SLC9A9: variants seen among roughly 807,000 people sequenced by gnomAD.
SLC9A9 encodes sodium/hydrogen exchanger 9.
In SLC9A9, 62 loss-of-function variants were observed where a neutral mutation model predicts 77.8. The observed-to-expected ratio is 0.80, with a 90% CI of 0.65 to 0.98. The LOEUF (loss-of-function observed/expected upper bound fraction) is 0.98. SLC9A9 is among the 50% of genes least tolerant of loss of function. SLC9A9 has a pLI of 0.00. For missense variants in SLC9A9, 775 were observed against 774.9 expected, an observed-to-expected ratio of 1.00 and a Z score of 0.00; for synonymous variants, 320 against 283.5, an observed-to-expected ratio of 1.13 and a Z score of -1.29.
intron 4 of SLC9A9, among the ~76,000 whole-genome samples, chr3:143,717,463 A>T (rs1263265561): frequency 2.0e-5 from 3 of 152,220 alleles, no homozygotes; most frequent in Non-Finnish European, 2.9e-5. Context: ...CAATAAACAG[A>T]TTACACATAA....
intron 1 of SLC9A9, among the ~76,000 whole-genome samples, chr3:143,847,206 A>G (rs1441524545): frequency 6.6e-6 from 1 of 152,198 alleles, no homozygotes; most frequent in African/African-American, 2.4e-5. Context: ...CCCCAAATAT[A>G]AAAGTATGTT....
intron 12 of SLC9A9, among the ~76,000 whole-genome samples, chr3:143,436,182 C>T (rs146290322): frequency 6.6e-6 from 1 of 152,230 alleles, no homozygotes; most frequent in Non-Finnish European, 1.5e-5. Context: ...GAGAAGTGGG[C>T]TTGAACCTCC....
chr3:143,736,535 C>T (rs572296776), intron 4 of SLC9A9, among the ~76,000 whole-genome samples: 12 of 152,264 alleles, frequency 7.9e-5, no homozygotes, highest in African/African-American at 2.9e-4. Context: ...GTACAGAGCA[C>T]ACACTCAATA....
intron 12 of SLC9A9, among the ~76,000 whole-genome samples, chr3:143,391,656 C>G (rs950680654): frequency 1.3e-5 from 2 of 152,150 alleles, no homozygotes; most frequent in Non-Finnish European, 2.9e-5. Context: ...CTTCTCCGAG[C>G]TAAAGGAGGA....
chr3:143,583,823 A>G (rs1215591177), intron 6 of SLC9A9, among the ~76,000 whole-genome samples: 2 of 152,204 alleles, frequency 1.3e-5, no homozygotes, highest in African/African-American at 4.8e-5. Flanking sequence ...CAAAACTTCT[A>G]TCCAAACAGA....
chr3:143,340,908 T>C (rs1203694512), intron 14 of SLC9A9, among the ~76,000 whole-genome samples: 1 of 152,234 alleles, frequency 6.6e-6, no homozygotes, highest in African/African-American at 2.4e-5. Flanking sequence ...TAGTCATTAG[T>C]GCAGAAGGCT....
intron 5 of SLC9A9, among the ~76,000 whole-genome samples, chr3:143,660,133 C>G (rs1161810181): frequency 6.6e-6 from 1 of 152,194 alleles, no homozygotes; most frequent in Admixed American, 6.5e-5. Flanking sequence ...AGCGTGAGAA[C>G]AGACTAATAC....
At chr3:143,748,090 C>T (rs1236853545) in intron 4 of SLC9A9, among the ~76,000 whole-genome samples, 1 of 152,216 alleles carries the variant, frequency 6.6e-6, no homozygotes, top group African/African-American at 2.4e-5. Context: ...TTAGTTGACA[C>T]TGAACTTAGT....
intron 12 of SLC9A9, among the ~76,000 whole-genome samples, chr3:143,391,537 A>G (rs1230604585): frequency 6.6e-6 from 1 of 152,248 alleles, no homozygotes; most frequent in African/African-American, 2.4e-5. Flanking sequence ...TCTAAAAATC[A>G]GAGCGCCTCT....
At chr3:143,565,181 T>C (rs1183138983) in intron 8 of SLC9A9, among the ~76,000 whole-genome samples, 1 of 152,210 alleles carries the variant, frequency 6.6e-6, no homozygotes, top group East Asian at 1.9e-4. Flanking sequence ...AATGAACTGA[T>C]TATTGTGTCT....
chr3:143,332,536 C>A (rs541120291), intron 14 of SLC9A9, among the ~76,000 whole-genome samples: 1 of 152,288 alleles, frequency 6.6e-6, no homozygotes, highest in South Asian at 2.1e-4. Flanking sequence ...TAGTTCAAGT[C>A]ATTGGTTCTC....
chr3:143,718,422 T>A (rs1302911406), intron 4 of SLC9A9, among the ~76,000 whole-genome samples: 1 of 152,174 alleles, frequency 6.6e-6, no homozygotes, highest in Non-Finnish European at 1.5e-5. Flanking sequence ...ACCAACAGCA[T>A]CCTCACAGAA....
chr3:143,815,456 T>A (rs1026873992), intron 2 of SLC9A9, among the ~76,000 whole-genome samples: 67 of 152,290 alleles, frequency 4.4e-4, no homozygotes, highest in African/African-American at 1.5e-3. Flanking sequence ...CCCTCCTTCC[T>A]GTCTTAGCAG....
intron 9 of SLC9A9, among the ~76,000 whole-genome samples, chr3:143,529,774 C>T (rs187866459): frequency 9.8e-4 from 149 of 151,858 alleles, no homozygotes; most frequent in Admixed American, 3.0e-3. Context: ...ATATGTACAC[C>T]GAAAAGAGAA....
intron 6 of SLC9A9, among the ~76,000 whole-genome samples, chr3:143,641,385 CTTTTTTTTT>C (rs529425639): frequency 2.5e-5 from 2 of 78,830 alleles, no homozygotes; most frequent in East Asian, 4.5e-4. Flanking sequence ...TTGTCACAGT[CTTTTTTTTT>C]TTTTTTTTTT....
intron 2 of SLC9A9, among the ~76,000 whole-genome samples, chr3:143,829,631 T>C (rs2009385705): frequency 6.6e-6 from 1 of 152,202 alleles, no homozygotes; most frequent in Admixed American, 6.5e-5. Flanking sequence ...TCTCCCCAAA[T>C]GAGTGTTAAA....
chr3:143,662,686 G>T (rs149937009), intron 5 of SLC9A9, among the ~76,000 whole-genome samples: 8 of 146,374 alleles, frequency 5.5e-5, no homozygotes, highest in African/African-American at 1.8e-4. Context: ...TACGCCCACG[G>T]AGCCTTGCTC....
At chr3:143,300,770 C>G (rs1578274471) in intron 14 of SLC9A9, among the ~76,000 whole-genome samples, 1 of 152,146 alleles carries the variant, frequency 6.6e-6, no homozygotes, top group East Asian at 1.9e-4. Flanking sequence ...TTCTCAGCAG[C>G]CAAGTTGGAG....
At chr3:143,271,193 G>A (rs1937888013) in intron 14 of SLC9A9, among the ~76,000 whole-genome samples, 1 of 152,206 alleles carries the variant, frequency 6.6e-6, no homozygotes, top group Non-Finnish European at 1.5e-5. Context: ...CATATCCCCA[G>A]CAGATAAGGG....
Sources: gnomAD v4.1 joint callset for allele counts (sites outside exome capture counted in the v4.1 genomes callset) on GRCh38, gnomAD v4.1.1 for gene constraint, MANE v1.5 for transcripts, NCBI Gene and HGNC (gene_info 2026-07-23, HGNC 2026-07-21) for gene names.